TJP1: variants seen among roughly 807,000 people sequenced by gnomAD.
TJP1 encodes the protein tight junction protein ZO-1.
TJP1 carries 43 observed loss-of-function variants against 194.2 expected under a neutral mutation model. That is an observed-to-expected ratio of 0.22 (90% CI 0.17 to 0.29). The LOEUF (loss-of-function observed/expected upper bound fraction) is 0.29. Among genes scored for constraint, TJP1 ranks in the 10% least tolerant of loss-of-function variants. The probability of loss-of-function intolerance (pLI) is 1.00; values close to 1 mark genes in which losing one functional copy is unlikely to be tolerated. For missense variants in TJP1, 1,971 were observed against 2,185.7 expected, an observed-to-expected ratio of 0.90 and a Z score of 1.96; for synonymous variants, 801 against 779.0, an observed-to-expected ratio of 1.03 and a Z score of -0.47.
intron 8 of TJP1, among the ~76,000 whole-genome samples, chr15:29,753,858 G>A (rs1329806459): frequency 1.3e-5 from 2 of 150,456 alleles, no homozygotes; most frequent in African/African-American, 2.4e-5. Context: ...AGGACCTCAT[G>A]GTGAGCCTAA....
rs553359755 is a variant in TJP1, at chr15:29,800,370, T to C, written c.84+276A>G. The stretch of plus-strand genomic sequence containing the variant: ...CAGTTTATAATAATTTATACTAATG[T>C]ACAGAGTCTTTTATCTGATCACTCA... On this transcript the variant is annotated intron_variant, in intron 2 of 27. Transcript: ENST00000614355. 4 of 440,916 alleles carry C rather than the reference T, an allele frequency of 9.1e-6. 1 individual carries two copies. Among genetic ancestry groups the C allele is most frequent in the Middle Eastern group, 1.2e-3 (2 of 1,618 alleles). 27.3% of individuals were successfully genotyped at this position (440,916 alleles called of 1,614,324 possible).
chr15:29,833,545 C>G (rs1343471576), intron 2 of TJP1, among the ~76,000 whole-genome samples: 1 of 151,578 alleles, frequency 6.6e-6, no homozygotes, highest in Non-Finnish European at 1.5e-5. Context: ...AGGTGCACAC[C>G]ACCACATCCT....
intron 1 of TJP1, among the ~76,000 whole-genome samples, chr15:29,818,527 C>G (rs1470654499): frequency 6.6e-6 from 1 of 152,184 alleles, no homozygotes; most frequent in Non-Finnish European, 1.5e-5. Flanking sequence ...TTATTTGAGA[C>G]AGCGTCTCGC....
At chr15:29,929,865 C>T (rs2054649991) in intron 2 of TJP1, among the ~76,000 whole-genome samples, 1 of 151,320 alleles carries the variant, frequency 6.6e-6, no homozygotes, top group Non-Finnish European at 1.5e-5. Flanking sequence ...GAAAAGACTA[C>T]AGGAAAATAG....
At chr15:29,892,467 A>G (rs188740232) in intron 2 of TJP1, among the ~76,000 whole-genome samples, 2 of 152,366 alleles carry the variant, frequency 1.3e-5, no homozygotes, top group African/African-American at 4.8e-5. Flanking sequence ...ACAGCCTTCT[A>G]TTGGAGGATG....
chr15:29,795,852 A>G (rs994242317), intron 2 of TJP1, among the ~76,000 whole-genome samples: 10 of 152,180 alleles, frequency 6.6e-5, no homozygotes, highest in Admixed American at 4.6e-4. Context: ...GCTGTTCAAC[A>G]AACAACAAGA....
intron 2 of TJP1, among the ~76,000 whole-genome samples, chr15:29,845,553 C>A (rs989928112): frequency 6.6e-6 from 1 of 152,164 alleles, no homozygotes; most frequent in Non-Finnish European, 1.5e-5. Context: ...CACCTGTAAT[C>A]CCAGCACTTT....
At chr15:29,793,625 G>A (rs2048230755) in intron 2 of TJP1, among the ~76,000 whole-genome samples, 1 of 152,108 alleles carries the variant, frequency 6.6e-6, no homozygotes, top group Admixed American at 6.6e-5. Flanking sequence ...ACAGAGAGCA[G>A]GGAGGTTTAA....
upstream of TJP1, among the ~76,000 whole-genome samples, chr15:29,826,989 G>A (rs2050696446): frequency 6.6e-6 from 1 of 152,182 alleles, no homozygotes; most frequent in Non-Finnish European, 1.5e-5. Context: ...CACAGCTCTT[G>A]ATACCCCTGC....
chr15:29,934,276 T>C (rs2054814229), intron 2 of TJP1, among the ~76,000 whole-genome samples: 4 of 152,256 alleles, frequency 2.6e-5, no homozygotes, highest in Admixed American at 2.6e-4. Flanking sequence ...TGGTTCATGC[T>C]ACCTGTACTG....
At chr15:29,702,966 C>CT (rs1437278911) in intron 27 of TJP1, among the ~76,000 whole-genome samples, 2 of 152,246 alleles carry the variant, frequency 1.3e-5, no homozygotes, top group African/African-American at 2.4e-5. Context: ...TATTAACTGA[C>CT]TTAAGTCACT....
At chr15:29,770,890 A>C (rs555004397) in intron 4 of TJP1, among the ~76,000 whole-genome samples, 15 of 152,100 alleles carry the variant, frequency 9.9e-5, no homozygotes, top group African/African-American at 3.6e-4. Context: ...AAATATTAAA[A>C]CGTTAAAAAT....
At chr15:29,710,329 AGAG>A (rs1329035541) in intron 24 of TJP1, among the ~76,000 whole-genome samples, 1 of 152,186 alleles carries the variant, frequency 6.6e-6, no homozygotes, top group Non-Finnish European at 1.5e-5. Flanking sequence ...GGGAATAATA[AGAG>A]AAGTCTGTGC....
chr15:29,747,241 C>A (rs560427665), intron 8 of TJP1, among the ~76,000 whole-genome samples: 1 of 152,052 alleles, frequency 6.6e-6, no homozygotes, highest in African/African-American at 2.4e-5. Flanking sequence ...GCCGATATTG[C>A]GCCACTGCAC....
intron 2 of TJP1, among the ~76,000 whole-genome samples, chr15:29,890,563 A>G (rs785427): frequency 0.08 from 12,222 of 152,238 alleles, 557 homozygotes; most frequent in South Asian, 0.12. Flanking sequence ...GGTTTTCTGA[A>G]AAGAGCAAAG....
Position 29,733,136 on chromosome 15 carries a change from T to C in TJP1, c.1694A>G (p.Asn565Ser). 6.2e-7 allele frequency: 1 copy of C among 1,614,094 alleles called. No homozygotes were observed. The highest frequency in any genetic ancestry group is 8.5e-7 in the Non-Finnish European group (1 of 1,180,012). Residue 565 changes from asparagine (N) to serine (S), a missense_variant, in exon 13 of 28, where the codon AAT becomes AGT. Physicochemically the swap from Asn to Ser is conservative, Grantham distance 46. Around this residue, in one of 5 missense-constraint regions of TJP1, gnomAD observed 402 missense variants for 484.2 expected, o/e 0.83. Transcript: ENST00000614355. ...GSWLAIRIGK[N>S]HKEVERGIIP... ...GATGCCTCGTTCTACCTCCTTATGATTTTTACCAATTCGAATAGCAAGCCA... is the reference window on the plus strand; with the variant it reads ...GATGCCTCGTTCTACCTCCTTATGACTTTTACCAATTCGAATAGCAAGCCA...
intron 2 of TJP1, among the ~76,000 whole-genome samples, chr15:29,865,510 GAAT>G (rs1175547651): frequency 1.3e-5 from 2 of 152,192 alleles, no homozygotes; most frequent in Non-Finnish European, 2.9e-5. Context: ...GGGGAGTTTA[GAAT>G]ATGATCAAGT....
At chr15:29,899,932 G>T (rs550366718) in intron 2 of TJP1, among the ~76,000 whole-genome samples, 3 of 152,302 alleles carry the variant, frequency 2.0e-5, no homozygotes, top group Admixed American at 6.5e-5. Context: ...GCAGTGAGCA[G>T]GCAAAAGCTC....
rs749645341 is a variant in TJP1, at chr15:29,732,666, T to G, written c.1886A>C (p.Lys629Thr). ...EDLSAQPVQT[K>T]FPAYERVVLR... ...AACCACTCTTTCATAAGCTGGAAAC[T>G]TTGTTTGAACAGGCTGAGCGGACAA... The change falls in exon 14 of 28, where the codon AAG becomes ACG. Residue 629 changes from lysine (K) to threonine (T), a missense_variant. Physicochemically the swap from Lys to Thr is moderately conservative, Grantham distance 78. Coordinates refer to ENST00000614355, the MANE Select transcript of TJP1 (RefSeq NM_001330239.4). The G allele has an allele frequency of 2.5e-6, 4 of 1,613,988 alleles. No homozygotes were observed. In the Admixed American group the frequency reaches 6.7e-5, roughly 27 times the overall value.
Sources: gnomAD v4.1 joint callset for allele counts (sites outside exome capture counted in the v4.1 genomes callset) on GRCh38, gnomAD v4.1.1 for gene constraint, gnomAD v4.1.1 regional missense constraint, MANE v1.5 for transcripts, NCBI Gene and HGNC (gene_info 2026-07-23, HGNC 2026-07-21) for gene names.